CCDC148: variants seen among roughly 807,000 people sequenced by gnomAD.
CCDC148 encodes coiled-coil domain containing 148.
In CCDC148, 89 loss-of-function variants were observed where a neutral mutation model predicts 85.7. The ratio of observed to expected loss-of-function variants is 1.04; its 90% CI spans 0.87 to 1.24. CCDC148 has a LOEUF of 1.24. Ranked by LOEUF, CCDC148 falls within the 50% of genes most tolerant of loss-of-function variation. The pLI is 0.00. For synonymous variants in CCDC148, 230 were observed against 213.9 expected, an observed-to-expected ratio of 1.08 and a Z score of -0.66; for missense variants, 692 against 671.7, an observed-to-expected ratio of 1.03 and a Z score of -0.33.
chr2:158,261,768 C>G (rs902608655), intron 9 of CCDC148, among the ~76,000 whole-genome samples: 1 of 151,918 alleles, frequency 6.6e-6, no homozygotes, highest in African/African-American at 2.4e-5. Flanking sequence ...AAATAAAGCT[C>G]AATATCCCTG....
At chr2:158,229,477 A>T (rs1342991489) in intron 10 of CCDC148, among the ~76,000 whole-genome samples, 1 of 152,186 alleles carries the variant, frequency 6.6e-6, no homozygotes, top group Non-Finnish European at 1.5e-5. Flanking sequence ...TGAATCTTCA[A>T]TGACAATAAG....
intron 11 of CCDC148, among the ~76,000 whole-genome samples, chr2:158,188,905 A>G (rs1364404504): frequency 6.6e-6 from 1 of 151,946 alleles, no homozygotes; most frequent in Non-Finnish European, 1.5e-5. Flanking sequence ...AGAAACAAAT[A>G]AACCCATTAA....
At chr2:158,343,619 G>C (rs1682852144) in intron 3 of CCDC148, among the ~76,000 whole-genome samples, 1 of 152,108 alleles carries the variant, frequency 6.6e-6, no homozygotes, top group South Asian at 2.1e-4. Context: ...TGTCTTTTAT[G>C]GTAAGGCATA....
rs189259494 is a variant in CCDC148 at position 158,270,285 on chromosome 2, A to G, written c.1111-19373T>C. Among the ~76,000 whole-genome samples, 204 of 152,316 alleles carry G rather than the reference A, an allele frequency of 1.3e-3. 2 individuals are homozygous for G. Among genetic ancestry groups the G allele is most frequent in the African/African-American group, 4.7e-3 (194 of 41,578 alleles). ...ACACATCCTCATGAGAATAATATGA[A>G]AAACAAGTGAGGTGGCTTGTATAGG... On this transcript the variant is annotated intron_variant, in intron 9 of 13. Transcript: ENST00000283233.
At chr2:158,179,928 C>T (rs1174568456) in intron 11 of CCDC148, among the ~76,000 whole-genome samples, 1 of 152,132 alleles carries the variant, frequency 6.6e-6, no homozygotes, top group East Asian at 1.9e-4. Context: ...ATATGGCCCA[C>T]TTAAATACCA....
At chr2:158,219,772 A>G (rs1261485157) in intron 11 of CCDC148, among the ~76,000 whole-genome samples, 1 of 152,110 alleles carries the variant, frequency 6.6e-6, no homozygotes, top group African/African-American at 2.4e-5. Flanking sequence ...GAACTTCTCC[A>G]CCATTCAGAG....
At chr2:158,305,755 TAAAAAA>T (rs56227304) in intron 9 of CCDC148, among the ~76,000 whole-genome samples, 1 of 87,870 alleles carries the variant, frequency 1.1e-5, no homozygotes, top group African/African-American at 4.8e-5. Context: ...CCCTGTCTCT[TAAAAAA>T]AAAAAAAAAA....
chr2:158,352,765 A>G (rs1683390430), intron 2 of CCDC148, among the ~76,000 whole-genome samples: 1 of 151,720 alleles, frequency 6.6e-6, no homozygotes, highest in African/African-American at 2.4e-5. Flanking sequence ...ACTCCAAGAC[A>G]CATAATTGTC....
chr2:158,317,556 C>G (rs953778824), intron 7 of CCDC148, among the ~76,000 whole-genome samples: 4 of 152,138 alleles, frequency 2.6e-5, no homozygotes, highest in African/African-American at 9.7e-5. Context: ...CAATTGTCTC[C>G]CTAATTCTAC....
At chr2:158,259,203 G>C (rs1335263966) in intron 9 of CCDC148, among the ~76,000 whole-genome samples, 2 of 151,694 alleles carry the variant, frequency 1.3e-5, no homozygotes, top group Non-Finnish European at 2.9e-5. Flanking sequence ...TTGCCCACCA[G>C]GACATGATAT....
At chr2:158,401,531 C>T (rs535045727) in intron 1 of CCDC148, among the ~76,000 whole-genome samples, 1 of 152,150 alleles carries the variant, frequency 6.6e-6, no homozygotes, top group East Asian at 1.9e-4. Flanking sequence ...ACATCACACA[C>T]TGGGCCTGTT....
chr2:158,278,319 G>A lies in CCDC148; in HGVS notation c.1111-27407C>T, dbSNP rs141599227. On this transcript the variant is annotated intron_variant, in intron 9 of 13. Transcript: ENST00000283233. ...CACCATGCACGAGCCTAAGCAGGGT[G>A]AGACATTGCCTCACTCGGGATGCGA... Among the ~76,000 whole-genome samples the A allele has an allele frequency of 2.8e-3, 429 of 152,246 alleles. 3 individuals carry two copies. The highest frequency in any genetic ancestry group is 9.6e-3 in the African/African-American group (400 of 41,542).
chr2:158,339,882 G>T (rs1009075557), intron 5 of CCDC148, among the ~76,000 whole-genome samples: 1 of 152,180 alleles, frequency 6.6e-6, no homozygotes, highest in Non-Finnish European at 1.5e-5. Flanking sequence ...GCTATAGGTG[G>T]ATAGAAGGAC....
chr2:158,293,567 T>A (rs1690995287), intron 9 of CCDC148, among the ~76,000 whole-genome samples: 1 of 152,154 alleles, frequency 6.6e-6, no homozygotes, highest in Non-Finnish European at 1.5e-5. Context: ...ACAAAATGTT[T>A]TTTTCCCCTA....
intron 9 of CCDC148, among the ~76,000 whole-genome samples, chr2:158,296,370 A>C (rs1327320889): frequency 6.6e-6 from 1 of 152,206 alleles, no homozygotes; most frequent in Admixed American, 6.5e-5. Flanking sequence ...GTTGAAAATC[A>C]ACTGACTTGA....
chr2:158,436,776 A>G (rs1687673284), intron 1 of CCDC148, among the ~76,000 whole-genome samples: 2 of 152,208 alleles, frequency 1.3e-5, no homozygotes, highest in South Asian at 4.1e-4. Flanking sequence ...TAGACACAAT[A>G]AAAAATGATA....
At chr2:158,217,220 G>C (rs1355475131) in intron 11 of CCDC148, among the ~76,000 whole-genome samples, 1 of 150,824 alleles carries the variant, frequency 6.6e-6, no homozygotes, top group African/African-American at 2.4e-5. Flanking sequence ...TTTTTTTAAT[G>C]TTGAACCACA....
chr2:158,267,373 C>T (rs548062335), intron 9 of CCDC148, among the ~76,000 whole-genome samples: 12 of 152,278 alleles, frequency 7.9e-5, no homozygotes, highest in East Asian at 5.8e-4. Context: ...AGACCCAGGA[C>T]GAGACAAGGC....
At chr2:158,357,691 A>G (rs1247339019) in intron 2 of CCDC148, among the ~76,000 whole-genome samples, 1 of 152,198 alleles carries the variant, frequency 6.6e-6, no homozygotes, top group Non-Finnish European at 1.5e-5. Flanking sequence ...ATATACGGTA[A>G]TCTCTCCAGA....
Sources: gnomAD v4.1 joint callset for allele counts (sites outside exome capture counted in the v4.1 genomes callset) on GRCh38, gnomAD v4.1.1 for gene constraint, MANE v1.5 for transcripts, NCBI Gene and HGNC (gene_info 2026-07-23, HGNC 2026-07-21) for gene names.